SETD4: variants seen among roughly 807,000 people sequenced by gnomAD.
The protein encoded by SETD4 is SET domain-containing protein 4.
SETD4 carries 46 observed loss-of-function variants against 58.3 expected under a neutral mutation model. That is an observed-to-expected ratio of 0.79 (90% confidence interval 0.62 to 1.01). The LOEUF (loss-of-function observed/expected upper bound fraction) is 1.01. Ranked by LOEUF, SETD4 falls within the 50% of genes least tolerant of loss-of-function variation. The probability of loss-of-function intolerance (pLI) is 0.00; values close to 1 mark genes in which losing one functional copy is unlikely to be tolerated. For missense variants in SETD4, 490 were observed against 523.3 expected (o/e 0.94, Z 0.62); for synonymous variants, 190 against 202.6 (o/e 0.94, Z 0.53).
At position 36,058,879 on chromosome 21, in the gene SETD4, C is replaced by CT; in HGVS notation, c.9dup (p.Gly4ArgfsTer18). 6.3e-7 allele frequency: 1 copy of CT among 1,599,264 alleles called. No individual in the cohort carries two copies. Among genetic ancestry groups the CT allele is most frequent in the Non-Finnish European group, 8.5e-7 (1 of 1,174,820 alleles). ...CTGATCCGGCTTGTTCTCCCTTTTCCTTTCTGCATGCTAAAACTGTAGTTT... is the reference window on the plus strand; with the variant it reads ...CTGATCCGGCTTGTTCTCCCTTTTCCTTTTCTGCATGCTAAAACTGTAGTTT... On this transcript the variant is annotated frameshift_variant, in exon 2 of 12. Transcript: ENST00000332131. LOFTEE classifies it high-confidence loss of function.
intron 9 of SETD4, among the ~76,000 whole-genome samples, chr21:36,039,669 C>T (rs950360252): frequency 6.6e-6 from 1 of 152,084 alleles, no homozygotes; most frequent in African/African-American, 2.4e-5. Context: ...TTCCAGTGAA[C>T]AAGGAAAAGA....
chr21:36,044,074 A>C, intron 6 of SETD4, 118 bp from the exon 7 acceptor site: 1 of 1,214,358 alleles, frequency 8.2e-7, no homozygotes, highest in Non-Finnish European at 1.1e-6. Flanking sequence ...CCATCAATAA[A>C]TGTAACTACG....
In SETD4 at chr21:36,037,473, C is replaced by T. The variant is rs140624445; in HGVS notation, c.1188+677G>A. Among the ~76,000 whole-genome samples the T allele has an allele frequency of 2.4e-4, 37 of 151,588 alleles. No individual in the cohort carries two copies. The East Asian group carries it at 6.4e-3, about 26-fold the overall frequency. Reference sequence around the variant, plus strand: ...TACAAAAATTAGCCAGATGTGGTGGCGGGCACTTGTAATCCCAGCTACTCG... The same window carrying T: ...TACAAAAATTAGCCAGATGTGGTGGTGGGCACTTGTAATCCCAGCTACTCG... On this transcript the variant is annotated intron_variant, in intron 10 of 11. Transcript: ENST00000332131.
intron 10 of SETD4, among the ~76,000 whole-genome samples, chr21:36,037,707 C>A (rs538402678): frequency 6.7e-6 from 1 of 149,400 alleles, no homozygotes. Flanking sequence ...AGCCCAGATG[C>A]GGTGGTTCAG....
Position 36,045,965 on chromosome 21 carries a change from C to T in SETD4, c.343G>A (p.Val115Ile). The T allele has an allele frequency of 6.2e-7, 1 of 1,614,108 alleles. No individual in the cohort carries two copies. Among genetic ancestry groups the T allele is most frequent in the Non-Finnish European group, 8.5e-7 (1 of 1,180,038 alleles). ...CGGTGCCCAGCATGCTTTTCTGAAA[C>T]TAAAAAGGTGCACAGCGCCAGCAGA... ...SPLLALCTFL[V>I]SEKHAGHRSL... Residue 115 changes from valine (V) to isoleucine (I), a missense_variant, in exon 6 of 12, where the codon GTT becomes ATT. By Grantham distance (29) the Val-to-Ile change is conservative. Transcript: ENST00000332131.
Position 36,058,839 on chromosome 21 carries a change from C to G in SETD4, c.50G>C (p.Cys17Ser), listed in dbSNP as rs151171642. Residue 17 changes from cysteine (C) to serine (S), a missense_variant, in exon 2 of 12, where the codon TGC becomes TCC. Cys to Ser is a moderately radical substitution (Grantham distance 112, BLOSUM62 -1). Coordinates refer to ENST00000332131, the MANE Select transcript of SETD4 (RefSeq NM_017438.5). ...ACCTCCTCTTGATTCAGAACTTCCG[C>G]AGAGTTTTCGTCTTCTGATCCGGCT... ...RTSRIRRRKLCGSSESRGVNE... is the reference protein window; with the variant it reads ...RTSRIRRRKLSGSSESRGVNE... The G allele has an allele frequency of 5.6e-5, 90 of 1,602,032 alleles. 1 individual carries two copies. The African/African-American group carries it at 1.1e-3, about 20-fold the overall frequency.
In SETD4 at chr21:36,035,739, C is replaced by T. The variant is rs967656943; in HGVS notation, c.*254G>A. 3.7e-5 allele frequency: 10 copies of T among 273,352 alleles called. No homozygotes were observed. The highest frequency in any genetic ancestry group is 1.2e-4 in the East Asian group (1 of 8,494). 16.9% of individuals were successfully genotyped at this position (273,352 alleles called of 1,614,324 possible). On this transcript the variant is annotated 3_prime_UTR_variant, in exon 12 of 12. Transcript: ENST00000332131. ...AGGCCCCGTGGTGACAGACCACACA[C>T]GGACGCAGCTGGCTCCTGGCTGCCT... is the stretch of plus-strand genomic sequence containing the variant.
Position 36,057,165 on chromosome 21 carries a change from T to C in SETD4, c.113A>G (p.Lys38Arg), listed in dbSNP as rs1199114180. Residue 38 changes from lysine to arginine, a missense_variant, in exon 3 of 12, where the codon AAG (lysine) becomes AGG (arginine). Transcript: ENST00000332131. ...SHKSEFIELR[K>R]WLKARKFQDS... is the part of the protein sequence containing the mutation. ...TTGAAACTTCCTAGCTTTCAGCCAC[T>C]TCCTCAGCTCTATAAATTCAGACTT... is the stretch of plus-strand genomic sequence containing the variant. The C allele has an allele frequency of 1.2e-6, 2 of 1,614,188 alleles. No homozygotes were observed. Among genetic ancestry groups the C allele is most frequent in the Admixed American group, 3.3e-5 (2 of 60,032 alleles).
chr21:36,054,527 C>T (rs942919128), intron 3 of SETD4, among the ~76,000 whole-genome samples: 4 of 152,224 alleles, frequency 2.6e-5, no homozygotes, highest in African/African-American at 4.8e-5. Context: ...TCCCAGCTCA[C>T]GGTGGCTCAC....
intron 3 of SETD4, among the ~76,000 whole-genome samples, chr21:36,056,644 A>G (rs1382649904): frequency 6.6e-6 from 1 of 152,188 alleles, no homozygotes; most frequent in East Asian, 1.9e-4. Flanking sequence ...CTGCAGCCTC[A>G]GCCTCCCGGG....
At chr21:36,057,381 C>T (rs7282629) in intron 2 of SETD4, 177 bp from the exon 3 acceptor site, 2 of 724,788 alleles carry the variant, frequency 2.8e-6, no homozygotes, top group East Asian at 5.4e-5. Context: ...CGCAATGACT[C>T]ACTTCTGTAT....
At chr21:36,053,491 G>C in intron 4 of SETD4, 92 bp downstream of exon 4, 4 of 1,237,124 alleles carry the variant, frequency 3.2e-6, no homozygotes, top group Non-Finnish European at 4.8e-6. Context: ...ATGACTGTAT[G>C]TCTGAAATTT....
chr21:36,058,129 GAGTT>G (rs1379163132), intron 2 of SETD4, among the ~76,000 whole-genome samples: 2 of 152,224 alleles, frequency 1.3e-5, no homozygotes, highest in East Asian at 3.8e-4. Context: ...TTGAAACAAT[GAGTT>G]AGTTATCTTC....
Position 36,036,261 on chromosome 21 carries a change from ATTT to A in SETD4, c.1189-13_1189-11del, listed in dbSNP as rs953847243. 1.9e-6 allele frequency: 3 copies of A among 1,576,222 alleles called. No homozygotes were observed. In the Admixed American group the frequency reaches 6.1e-5, roughly 32 times the overall value. On this transcript the variant is annotated splice_polypyrimidine_tract_variant and intron_variant, in intron 10 of 11. Coordinates refer to ENST00000332131, the MANE Select transcript of SETD4 (RefSeq NM_017438.5). ...CCTTCATATGAGACACCTGAAAGTT[ATTT>A]TTTAATTATTGTTATTGTAGTAAAA...
intron 5 of SETD4, 38 bp from the exon 6 acceptor site, chr21:36,046,049 G>A (rs1400597774): frequency 6.3e-7 from 1 of 1,586,326 alleles, no homozygotes; most frequent in South Asian, 1.2e-5. Context: ...GAATTACTTT[G>A]ATTCAAAATA....
chr21:36,039,139 A>C (rs1266839336), intron 9 of SETD4, among the ~76,000 whole-genome samples: 1 of 152,236 alleles, frequency 6.6e-6, no homozygotes, highest in Non-Finnish European at 1.5e-5. Context: ...TCAGTAAAGA[A>C]AAAGGAAATG....
chr21:36,038,301 T>C, intron 9 of SETD4, 28 bp from the exon 10 acceptor site: 1 of 1,601,206 alleles, frequency 6.2e-7, no homozygotes, highest in East Asian at 2.2e-5. Context: ...CATGACACAA[T>C]TTTAGCAGGC....
At chr21:36,051,376 G>A in intron 4 of SETD4, 1 of 1,507,596 alleles carries the variant, frequency 6.6e-7, no homozygotes, top group Non-Finnish European at 8.9e-7. Context: ...CTGGTGGACT[G>A]ACTCCACTGG....
chr21:36,040,611 G>A lies in SETD4; in HGVS notation c.1028C>T (p.Thr343Ile), dbSNP rs777780993. ...TTCCAGACATAACAACTTAAGGGCT[G>A]TGAGTAGCCTCCAAGATGGTCCATC... ...GWDGPSWRLL[T>I]ALKLLCLEAE... Residue 343 changes from threonine (T) to isoleucine (I), a missense_variant, in exon 9 of 12, where the codon ACA becomes ATA. Thr to Ile is a moderately conservative substitution (Grantham distance 89). Coordinates refer to ENST00000332131, the MANE Select transcript of SETD4 (RefSeq NM_017438.5). The A allele has an allele frequency of 9.9e-6, 16 of 1,613,944 alleles. No individual in the cohort carries two copies. The highest frequency in any genetic ancestry group is 1.4e-5 in the Non-Finnish European group (16 of 1,179,862).
Sources: gnomAD v4.1 joint callset for allele counts (sites outside exome capture counted in the v4.1 genomes callset) on GRCh38, gnomAD v4.1.1 for gene constraint, MANE v1.5 for transcripts, NCBI Gene and HGNC (gene_info 2026-07-23, HGNC 2026-07-21) for gene names.